ARL6: variants seen among roughly 807,000 people sequenced by gnomAD.
The protein encoded by ARL6 is ADP-ribosylation factor-like protein 6.
A neutral mutation model predicts 27.1 loss-of-function variants in ARL6; 18 were observed. The ratio of observed to expected loss-of-function variants is 0.66; its 90% CI spans 0.46 to 0.98. The LOEUF (loss-of-function observed/expected upper bound fraction) is 0.98, where lower values mean the gene tolerates loss of function less well. Among genes scored for constraint, ARL6 ranks in the 50% least tolerant of loss-of-function variants. The pLI, the probability that ARL6 is intolerant of heterozygous loss-of-function variation, is 0.00. For missense variants in ARL6, 187 were observed against 214.9 expected, an observed-to-expected ratio of 0.87 and a Z score of 0.81; for synonymous variants, 65 against 72.3, an observed-to-expected ratio of 0.90 and a Z score of 0.51.
intron 2 of ARL6, among the ~76,000 whole-genome samples, chr3:97,771,197 T>C (rs1312458077): frequency 4.6e-5 from 7 of 152,036 alleles, no homozygotes; most frequent in Admixed American, 2.6e-4. Context: ...CAATTTCTTT[T>C]ATCAATATTT....
In ARL6 at chr3:97,785,074, A is replaced by G. The variant is rs779317976; in HGVS notation, c.349+25A>G. ...GGTATGTGTGTGTCTTTCAGTCTGTATCTGTTCTTTGGGGTTCATTTATGT... is the reference window on the plus strand; with the variant it reads ...GGTATGTGTGTGTCTTTCAGTCTGTGTCTGTTCTTTGGGGTTCATTTATGT... On this transcript the variant is annotated intron_variant, in intron 5 of 7. Transcript: ENST00000463745. The G allele has an allele frequency of 2.0e-5, 31 of 1,574,972 alleles. No homozygotes were observed. The South Asian group carries it at 2.9e-4, about 15-fold the overall frequency.
At chr3:97,787,953 G>T in intron 5 of ARL6, 37 bp from the exon 6 acceptor site, 4 of 1,611,462 alleles carry the variant, frequency 2.5e-6, no homozygotes, top group Non-Finnish European at 2.5e-6. Context: ...GACCTAAAAA[G>T]CTGGAAGTGT....
At chr3:97,792,029 A>G (rs2037765671) in intron 7 of ARL6, 1 of 555,988 alleles carries the variant, frequency 1.8e-6, no homozygotes, top group Non-Finnish European at 3.2e-6. Context: ...TTATTTACAT[A>G]AAGTGTTTGA....
intron 6 of ARL6, among the ~76,000 whole-genome samples, chr3:97,790,015 C>G (rs1364918889): frequency 6.7e-6 from 1 of 150,222 alleles, no homozygotes; most frequent in African/African-American, 2.5e-5. Flanking sequence ...TATTCTCCTT[C>G]AGATGCGTTC....
Position 97,791,818 on chromosome 3 carries a change from G to A in ARL6, c.527G>A (p.Trp176Ter), listed in dbSNP as rs2037751738. 1 of 1,613,166 alleles carries A rather than the reference G, an allele frequency of 6.2e-7. No individual in the cohort carries two copies. Among genetic ancestry groups the A allele is most frequent in the Non-Finnish European group, 8.5e-7 (1 of 1,179,522 alleles). Residue 176 changes from tryptophan to a stop codon, truncating the protein, a stop_gained, in exon 7 of 8, where the codon TGG becomes TAG. Coordinates refer to ENST00000463745, the MANE Select transcript of ARL6 (RefSeq NM_001278293.3). LOFTEE classifies it high-confidence loss of function. ...GAAGGCTTGCAAGAAGGTGTAGACT[G>A]GCTTCAAGGTACATTACAAAATACT... The part of the protein sequence containing the change: ...KGEGLQEGVD[W>*]LQDQIQTVKT
Position 97,785,563 on chromosome 3 carries a change from A to G in ARL6, c.349+514A>G, listed in dbSNP as rs73137097. The stretch of plus-strand genomic sequence containing the variant: ...GTGGGGACTATCATTGTTATTTACC[A>G]AAATGGAATCATATTCTTTACACTC... On this transcript the variant is annotated intron_variant, in intron 5 of 7. Transcript: ENST00000463745. Among the ~76,000 whole-genome samples the G allele has an allele frequency of 3.3e-3, 507 of 152,094 alleles. 5 individuals are homozygous for G. The highest frequency in any genetic ancestry group is 5.9e-3 in the Non-Finnish European group (403 of 67,970).
chr3:97,782,578 G>A (rs947222641), intron 4 of ARL6, among the ~76,000 whole-genome samples: 1 of 151,818 alleles, frequency 6.6e-6, no homozygotes, highest in Non-Finnish European at 1.5e-5. Context: ...TCTTGTCAAA[G>A]TGAGCCACTC....
chr3:97,780,293 T>C (rs1016417789), intron 3 of ARL6, 73 bp downstream of exon 3: 1 of 1,170,002 alleles, frequency 8.5e-7, no homozygotes. Flanking sequence ...TGGTCATTCT[T>C]CCTACCCTTA....
At chr3:97,767,688 GA>G (rs2036450201) in intron 1 of ARL6, among the ~76,000 whole-genome samples, 3 of 152,208 alleles carry the variant, frequency 2.0e-5, no homozygotes, top group South Asian at 4.1e-4. Flanking sequence ...CCTTCTACAT[GA>G]ACCCCATTGC....
In ARL6 at chr3:97,785,082, T is replaced by C. The variant is rs372191149; in HGVS notation, c.349+33T>C. 1.0e-4 allele frequency: 161 copies of C among 1,534,152 alleles called. No individual in the cohort carries two copies. In the African/African-American group the frequency reaches 2.1e-3, roughly 20 times the overall value. On this transcript the variant is annotated intron_variant, in intron 5 of 7. Transcript: ENST00000463745. The stretch of plus-strand genomic sequence containing the variant: ...TGTGTCTTTCAGTCTGTATCTGTTC[T>C]TTGGGGTTCATTTATGTGTAATGTT...
intron 4 of ARL6, among the ~76,000 whole-genome samples, chr3:97,782,072 A>G (rs2108041070): frequency 6.6e-6 from 1 of 152,068 alleles, no homozygotes; most frequent in East Asian, 1.9e-4. Flanking sequence ...AGAGTGCTTC[A>G]GATTCGAGGG....
intron 4 of ARL6, among the ~76,000 whole-genome samples, 167 bp from the exon 5 acceptor site, chr3:97,784,788 T>C (rs1397253676): frequency 6.6e-6 from 1 of 151,984 alleles, no homozygotes; most frequent in Non-Finnish European, 1.5e-5. Flanking sequence ...ATGATTAATA[T>C]ATTTATCAGT....
intron 7 of ARL6, among the ~76,000 whole-genome samples, chr3:97,795,923 C>A (rs978876972): frequency 6.6e-6 from 1 of 152,090 alleles, no homozygotes; most frequent in African/African-American, 2.4e-5. Context: ...TCCTATTTCT[C>A]CCAGAAAACA....
At chr3:97,794,177 T>TTG (rs370867493) in intron 7 of ARL6, among the ~76,000 whole-genome samples, 62,420 of 137,094 alleles carry the variant, frequency 0.46, 13,873 homozygotes, top group South Asian at 0.51. Context: ...TTTCTTTCTT[T>TTG]TGTGTGTGTG....
intron 4 of ARL6, among the ~76,000 whole-genome samples, chr3:97,782,460 A>G (rs529030653): frequency 6.6e-6 from 1 of 152,042 alleles, no homozygotes; most frequent in South Asian, 2.1e-4. Flanking sequence ...AATCAACAAT[A>G]AAAGTAAATT....
intron 2 of ARL6, among the ~76,000 whole-genome samples, chr3:97,774,641 C>T (rs1272603770): frequency 6.6e-6 from 1 of 152,116 alleles, no homozygotes; most frequent in Non-Finnish European, 1.5e-5. Flanking sequence ...TGCAGAGTCC[C>T]ATTCTTTTCC....
Sources: gnomAD v4.1 joint callset for allele counts (sites outside exome capture counted in the v4.1 genomes callset) on GRCh38, gnomAD v4.1.1 for gene constraint, MANE v1.5 for transcripts, NCBI Gene and HGNC (gene_info 2026-07-23, HGNC 2026-07-21) for gene names.